XIRP2: variants seen among roughly 807,000 people sequenced by gnomAD.
XIRP2 encodes the protein xin actin binding repeat containing 2, also known as xin actin-binding repeat-containing protein 2.
A neutral mutation model predicts 277.0 loss-of-function variants in XIRP2; 236 were observed. The ratio of observed to expected loss-of-function variants is 0.85; its 90% CI spans 0.77 to 0.95. XIRP2 has a LOEUF of 0.95. Ranked by LOEUF, XIRP2 falls within the 40% of genes least tolerant of loss-of-function variation. XIRP2 has a pLI of 0.00. For synonymous variants in XIRP2, 1,490 were observed against 1,416.5 expected, an observed-to-expected ratio of 1.05 and a Z score of -1.17; for missense variants, 4,640 against 4,157.5, an observed-to-expected ratio of 1.12 and a Z score of -3.19.
chr2:166,994,763 C>T (rs1687166221), intron 2 of XIRP2, among the ~76,000 whole-genome samples: 2 of 151,524 alleles, frequency 1.3e-5, no homozygotes, highest in African/African-American at 4.8e-5. Context: ...TGTTAATTTC[C>T]TCATTTCAGT....
At position 167,248,340 on chromosome 2, in the gene XIRP2, G is replaced by C; in HGVS notation, c.6948G>C (p.Leu2316Phe). The C allele has an allele frequency of 1.2e-6, 2 of 1,613,466 alleles. No individual in the cohort carries two copies. Among genetic ancestry groups the C allele is most frequent in the Non-Finnish European group, 1.7e-6 (2 of 1,179,744 alleles). The change falls in exon 9 of 11, where the codon TTG (leucine) becomes TTC (phenylalanine). Residue 2316 changes from leucine to phenylalanine, a missense_variant. Physicochemically the swap from Leu to Phe is conservative, Grantham distance 22. Transcript: ENST00000409195. ...IEFPLPPPPPLMMFPEKNGFL... is the reference protein window; with the variant it reads ...IEFPLPPPPPFMMFPEKNGFL... ...TTCCTCTTCCTCCTCCACCTCCTTT[G>C]ATGATGTTTCCTGAAAAAAATGGGT...
In XIRP2 at chr2:167,192,095, A is replaced by C. The variant is rs1032690299; in HGVS notation, c.563-18640A>C. 1.2e-4 allele frequency among the ~76,000 whole-genome samples: 19 copies of C among 152,290 alleles called. No homozygotes were observed. In the East Asian group the frequency reaches 3.7e-3, roughly 29 times the overall value. Reference sequence around the variant, plus strand: ...AGCACAGTCTGGCAATATAGTTTCAAAACATTTTCTCGGTGTTTTCCATTT... The same window carrying C: ...AGCACAGTCTGGCAATATAGTTTCACAACATTTTCTCGGTGTTTTCCATTT... On this transcript the variant is annotated intron_variant, in intron 3 of 10. Transcript: ENST00000409195.
rs1034671418 is a variant in XIRP2 at position 167,255,049 on chromosome 2, A to G, written c.*39+884A>G. ...AACAGAGTATAATGGCTTTTCCCCT[A>G]CTCTTTGTGTGCTCCTTCTCAGGCA... On this transcript the variant is annotated intron_variant, in intron 10 of 10. Coordinates refer to ENST00000409195, the MANE Select transcript of XIRP2 (RefSeq NM_152381.6). Among the ~76,000 whole-genome samples, 5 of 150,392 alleles carry G rather than the reference A, an allele frequency of 3.3e-5. No individual in the cohort carries two copies. In the East Asian group the frequency reaches 7.9e-4, roughly 24 times the overall value.
intron 2 of XIRP2, among the ~76,000 whole-genome samples, chr2:166,970,105 T>C (rs1291356350): frequency 6.6e-6 from 1 of 152,004 alleles, no homozygotes; most frequent in Non-Finnish European, 1.5e-5. Flanking sequence ...TAAAGATAAT[T>C]TATTAGAAAT....
rs1689748408 is a variant in XIRP2, at chr2:167,081,953, T to A, written c.409-53956T>A. On this transcript the variant is annotated intron_variant, in intron 2 of 10. Transcript: ENST00000409195. The stretch of plus-strand genomic sequence containing the variant: ...CACTTAACCATGTATTTTCTTTTTT[T>A]TTATTATTATACTTTAAGTTTTAGG... 2.0e-5 allele frequency among the ~76,000 whole-genome samples: 3 copies of A among 151,056 alleles called. No individual in the cohort carries two copies. In the South Asian group the frequency reaches 6.3e-4, roughly 31 times the overall value.
At chr2:167,126,725 G>A (rs1691216935) in intron 2 of XIRP2, among the ~76,000 whole-genome samples, 1 of 152,132 alleles carries the variant, frequency 6.6e-6, no homozygotes, top group Admixed American at 6.6e-5. Context: ...GGGGCTGACA[G>A]CAGTGATCTT....
At chr2:167,189,883 A>G (rs1693275219) in intron 3 of XIRP2, among the ~76,000 whole-genome samples, 1 of 152,152 alleles carries the variant, frequency 6.6e-6, no homozygotes, top group Non-Finnish European at 1.5e-5. Flanking sequence ...TCCACTTCAC[A>G]AGACAGCCAC....
chr2:166,934,923 C>T (rs974857085), intron 2 of XIRP2, among the ~76,000 whole-genome samples: 10 of 151,804 alleles, frequency 6.6e-5, no homozygotes, highest in Non-Finnish European at 1.0e-4. Context: ...CTCAGCTAGT[C>T]GGGAAGCTAT....
chr2:167,144,967 T>C (rs1691823170), intron 3 of XIRP2, among the ~76,000 whole-genome samples: 1 of 152,148 alleles, frequency 6.6e-6, no homozygotes. Flanking sequence ...GCATTGGAAG[T>C]TGGAAACTAT....
chr2:167,218,658 TA>T (rs1454489457), intron 5 of XIRP2, among the ~76,000 whole-genome samples: 2 of 152,184 alleles, frequency 1.3e-5, no homozygotes, highest in Non-Finnish European at 2.9e-5. Context: ...CATAATAAAC[TA>T]GCTGCTGGTT....
At chr2:167,028,745 A>G (rs1688244721) in intron 2 of XIRP2, among the ~76,000 whole-genome samples, 1 of 151,978 alleles carries the variant, frequency 6.6e-6, no homozygotes, top group Admixed American at 6.6e-5. Context: ...GAAATCAAGA[A>G]TGACAGAGAT....
At chr2:166,964,186 G>T (rs1253962108) in intron 2 of XIRP2, among the ~76,000 whole-genome samples, 2 of 151,772 alleles carry the variant, frequency 1.3e-5, no homozygotes, top group Non-Finnish European at 2.9e-5. Context: ...AATTAATTGG[G>T]ACTTGAATTT....
intron 3 of XIRP2, among the ~76,000 whole-genome samples, chr2:167,154,548 C>T (rs967829875): frequency 4.6e-5 from 7 of 151,932 alleles, no homozygotes; most frequent in African/African-American, 1.5e-4. Flanking sequence ...TTAGGTCTAA[C>T]ATTTAAGTCT....
chr2:167,210,190 A>G (rs905968571), intron 3 of XIRP2, among the ~76,000 whole-genome samples: 1 of 152,206 alleles, frequency 6.6e-6, no homozygotes, highest in African/African-American at 2.4e-5. Flanking sequence ...TTAGCTGGAC[A>G]TATCTCCTTA....
chr2:167,114,714 C>T (rs530115540), intron 2 of XIRP2, among the ~76,000 whole-genome samples: 6 of 151,558 alleles, frequency 4.0e-5, no homozygotes, highest in Admixed American at 2.0e-4. Flanking sequence ...TTTGTCCTTG[C>T]GATAGTTTAC....
chr2:167,121,344 AT>A (rs1252457108), intron 2 of XIRP2, among the ~76,000 whole-genome samples: 1 of 152,166 alleles, frequency 6.6e-6, no homozygotes, highest in Non-Finnish European at 1.5e-5. Flanking sequence ...TAGATCATTC[AT>A]GCCACTCTAG....
chr2:166,919,882 A>T (rs1684991125), intron 2 of XIRP2, among the ~76,000 whole-genome samples: 1 of 152,176 alleles, frequency 6.6e-6, no homozygotes, highest in Admixed American at 6.5e-5. Context: ...TTTCACATTT[A>T]AAGATAAAAT....
At chr2:167,151,283 A>G (rs1311949123) in intron 3 of XIRP2, among the ~76,000 whole-genome samples, 2 of 152,144 alleles carry the variant, frequency 1.3e-5, no homozygotes, top group East Asian at 3.9e-4. Context: ...GAAGGCTTTT[A>G]TTAAGTATTA....
chr2:167,173,065 C>A (rs947017909), intron 3 of XIRP2, among the ~76,000 whole-genome samples: 1 of 152,168 alleles, frequency 6.6e-6, no homozygotes, highest in Non-Finnish European at 1.5e-5. Flanking sequence ...TCCCTCCATC[C>A]GGGGTCCCTG....
Sources: gnomAD v4.1 joint callset for allele counts (sites outside exome capture counted in the v4.1 genomes callset) on GRCh38, gnomAD v4.1.1 for gene constraint, MANE v1.5 for transcripts, NCBI Gene and HGNC (gene_info 2026-07-23, HGNC 2026-07-21) for gene names.